The following MSL1 variants were observed in gnomAD, a reference collection of about 807,000 sequenced individuals.
MSL1 encodes the protein MSL complex subunit 1, also known as male-specific lethal 1 homolog.
A neutral mutation model predicts 64.6 loss-of-function variants in MSL1; 21 were observed. The observed-to-expected ratio is 0.33, with a 90% confidence interval of 0.23 to 0.47. MSL1 has a LOEUF of 0.47. MSL1 is among the 20% of genes least tolerant of loss of function. The probability of loss-of-function intolerance (pLI) is 1.00; values close to 1 mark genes in which losing one functional copy is unlikely to be tolerated. For synonymous variants in MSL1, 339 were observed against 329.6 expected, an observed-to-expected ratio of 1.03 and a Z score of -0.31; for missense variants, 664 against 793.2, an observed-to-expected ratio of 0.84 and a Z score of 1.96.
rs1988434416 is a variant in MSL1 at position 40,131,406 on chromosome 17, T to G, written c.1376-131T>G. 2.7e-6 allele frequency: 2 copies of G among 732,880 alleles called. No individual in the cohort carries two copies. The highest frequency in any genetic ancestry group is 4.7e-6 in the Non-Finnish European group (2 of 427,576). 45.4% of individuals were successfully genotyped at this position (732,880 alleles called of 1,614,324 possible). On this transcript the variant is annotated intron_variant, in intron 3 of 8. Transcript: ENST00000398532. The surrounding 1 kb of genome is among the most constrained non-coding windows in gnomAD (Gnocchi z 4.5). Reference sequence around the variant, plus strand: ...CTCTTCCCCTCCCCCAGAGAGAAATTCTCAAAAGAACAACTCAAAAAACAA... The same window carrying G: ...CTCTTCCCCTCCCCCAGAGAGAAATGCTCAAAAGAACAACTCAAAAAACAA...
rs770321442 is a variant in MSL1, at chr17:40,134,404, T to C, written c.*35T>C. The C allele has an allele frequency of 5.2e-6, 8 of 1,526,992 alleles. No individual in the cohort carries two copies. The highest frequency in any genetic ancestry group is 1.7e-4 in the Middle Eastern group (1 of 5,968). The allele number at this position is 1,526,992 out of a possible 1,614,324, so 94.6% of individuals were successfully genotyped here. Reference sequence around the variant, plus strand: ...CAAGAACCCTGTCTTCAGATAGTTGTAGCATGCCATTCCCGAGAGTGGCAG... The same window carrying C: ...CAAGAACCCTGTCTTCAGATAGTTGCAGCATGCCATTCCCGAGAGTGGCAG... On this transcript the variant is annotated 3_prime_UTR_variant, in exon 9 of 9. Transcript: ENST00000398532.
chr17:40,133,461 T>G (rs575823538), intron 6 of MSL1, 73 bp from the exon 7 acceptor site: 17 of 1,529,938 alleles, frequency 1.1e-5, no homozygotes, highest in Middle Eastern at 2.1e-4. Flanking sequence ...TTGTGTGAGT[T>G]GCTTTTATAG....
chr17:40,129,661 A>G (rs1251715913), intron 3 of MSL1, 34 bp downstream of exon 3: 1 of 1,510,474 alleles, frequency 6.6e-7, no homozygotes, highest in East Asian at 2.3e-5. Context: ...CTTATACCCT[A>G]GTGGTGGCGG....
chr17:40,132,111 G>A lies in MSL1; in HGVS notation c.1488+13G>A, dbSNP rs1409873484. ...AGACCTTTTGGAGGTAGGTAACCAA[G>A]AGCACTCAATTGAAGAGAGTAAGAG... is the stretch of plus-strand genomic sequence containing the variant. On this transcript the variant is annotated intron_variant, in intron 5 of 8. Coordinates refer to ENST00000398532, the MANE Select transcript of MSL1 (RefSeq NM_001365919.1). 1.3e-6 allele frequency: 2 copies of A among 1,582,154 alleles called. No homozygotes were observed. The highest frequency in any genetic ancestry group is 2.3e-5 in the South Asian group (2 of 87,854).
Position 40,129,617 on chromosome 17 carries a change from G to A in MSL1, c.1365G>A (p.Glu455=), listed in dbSNP as rs1299163634. The A allele has an allele frequency of 6.2e-7, 1 of 1,603,046 alleles. No individual in the cohort carries two copies. The highest frequency in any genetic ancestry group is 8.5e-7 in the Non-Finnish European group (1 of 1,175,170). ...GGGAATCCTCTCCAAAGAAGGAGGA[G>A]ACTGTAGCAAGTAAGGCATAGAGAA... The part of the protein sequence containing the change: ...PLRESSPKKE[E]TVARCLMPSS... Residue 455 remains glutamate (E), a synonymous_variant, in exon 3 of 9, where the codon GAG becomes GAA. Coordinates refer to ENST00000398532, the MANE Select transcript of MSL1 (RefSeq NM_001365919.1).
At chr17:40,124,793 G>A (rs1988276659) in intron 1 of MSL1, 1 of 152,210 alleles carries the variant, frequency 6.6e-6, no homozygotes, top group Non-Finnish European at 1.5e-5. Context: ...TATACAAGGA[G>A]ATGAAATGAG....
rs1243850572 is a variant in MSL1, at chr17:40,136,169, T to G, written c.*1800T>G. On this transcript the variant is annotated 3_prime_UTR_variant, in exon 9 of 9. Coordinates refer to ENST00000398532, the MANE Select transcript of MSL1 (RefSeq NM_001365919.1). ...TCTCTTGACTTTGTTCTTTGATCCC[T>G]CAGTTTCTTCTTGATTTCAGCATGT... The G allele has an allele frequency of 6.6e-6, 1 of 152,372 alleles. No individual in the cohort carries two copies. The highest frequency in any genetic ancestry group is 1.9e-4 in the East Asian group (1 of 5,334). 9.4% of individuals were successfully genotyped at this position (152,372 alleles called of 1,614,324 possible).
intron 5 of MSL1, among the ~76,000 whole-genome samples, chr17:40,132,512 C>T (rs1988459116): frequency 6.6e-6 from 1 of 151,956 alleles, no homozygotes; most frequent in African/African-American, 2.4e-5. Context: ...GTGGCGCACA[C>T]CTGTAATCCC....
In MSL1 at chr17:40,135,433, A is replaced by G. The variant is rs1988521664; in HGVS notation, c.*1064A>G. The stretch of plus-strand genomic sequence containing the variant: ...TCCCAGGCCACTTTGGTCTCAGTGT[A>G]AGATCCCTATTAACTATCTGAAAGG... On this transcript the variant is annotated 3_prime_UTR_variant, in exon 9 of 9. Transcript: ENST00000398532. 6.6e-6 allele frequency: 1 copy of G among 152,470 alleles called. No individual in the cohort carries two copies. Among genetic ancestry groups the G allele is most frequent in the African/African-American group, 2.4e-5 (1 of 41,574 alleles). The allele number at this position is 152,470 out of a possible 1,614,324, so 9.4% of individuals were successfully genotyped here.
At chr17:40,132,956 G>A (rs1296309571) in intron 5 of MSL1, 86 bp from the exon 6 acceptor site, 6 of 1,311,950 alleles carry the variant, frequency 4.6e-6, no homozygotes, top group Admixed American at 2.0e-5. Context: ...AAGATTTTAC[G>A]TTCCTGGAAG....
At chr17:40,132,986 T>A in intron 5 of MSL1, 56 bp from the exon 6 acceptor site, 4 of 1,472,902 alleles carry the variant, frequency 2.7e-6, no homozygotes, top group Non-Finnish European at 3.7e-6. Context: ...AGTTAGTATA[T>A]GTGTGTAACT....
At chr17:40,125,932 A>G (rs1344562761) in intron 1 of MSL1, among the ~76,000 whole-genome samples, 1 of 152,238 alleles carries the variant, frequency 6.6e-6, no homozygotes, top group Non-Finnish European at 1.5e-5. Flanking sequence ...ATCTCCCTAC[A>G]GAAGAATGAA....
rs990570270 is a variant in MSL1 at position 40,136,916 on chromosome 17, T to C, written c.*2547T>C. The C allele has an allele frequency of 1.1e-4, 16 of 152,336 alleles. No homozygotes were observed. Among genetic ancestry groups the C allele is most frequent in the Non-Finnish European group, 2.2e-4 (15 of 68,042 alleles). The allele number at this position is 152,336 out of a possible 1,614,324, so 9.4% of individuals were successfully genotyped here. A position where few individuals can be genotyped will look rare whatever the true frequency, so the allele number is the denominator to read the frequency against. Reference sequence around the variant, plus strand: ...AAGAATAACACATTATTTTCCCCTTTATAATAAGGTACTCACTTCCATTTG... The same window carrying C: ...AAGAATAACACATTATTTTCCCCTTCATAATAAGGTACTCACTTCCATTTG... On this transcript the variant is annotated 3_prime_UTR_variant, in exon 9 of 9. Transcript: ENST00000398532.
rs1321097726 is a variant in MSL1 at position 40,123,360 on chromosome 17, C to G, written c.748C>G (p.Leu250Val). The stretch of plus-strand genomic sequence containing the variant: ...GGCCAAGGAAAAGGAGATCGAGGAG[C>G]TGAAGTCAGAGAGAGACACGGTACG... ...LQAKEKEIEE[L>V]KSERDTLLAR... Residue 250 changes from leucine to valine, a missense_variant, in exon 1 of 9, where the codon CTG (leucine) becomes GTG (valine). Around this residue, in one of 4 missense-constraint regions of MSL1, gnomAD observed 466 missense variants for 499.0 expected, o/e 0.93. Transcript: ENST00000398532. The G allele has an allele frequency of 7.2e-6, 11 of 1,536,410 alleles. No individual in the cohort carries two copies. In the East Asian group the frequency reaches 2.7e-4, roughly 38 times the overall value.
chr17:40,131,827 C>A lies in MSL1; in HGVS notation c.1424-207C>A. On this transcript the variant is annotated intron_variant, in intron 4 of 8. Transcript: ENST00000398532. The surrounding 1 kb of genome is among the most constrained non-coding windows in gnomAD (Gnocchi z 4.5). ...AGGGTTTTTGTGATCCTGAGTTTGG[C>A]AGACTGCAATGGCATTTTAGGTTCT... 1 of 611,824 alleles carries A rather than the reference C, an allele frequency of 1.6e-6. No individual in the cohort carries two copies. The highest frequency in any genetic ancestry group is 2.9e-6 in the Non-Finnish European group (1 of 345,508). 37.9% of individuals were successfully genotyped at this position (611,824 alleles called of 1,614,324 possible).
intron 1 of MSL1, 26 bp downstream of exon 1, chr17:40,123,406 G>C: frequency 6.5e-7 from 1 of 1,531,940 alleles, no homozygotes. Flanking sequence ...ATCTGCATTC[G>C]GGCCGAGGAG....
chr17:40,123,453 G>A, intron 1 of MSL1, 73 bp downstream of exon 1: 1 of 1,450,310 alleles, frequency 6.9e-7, no homozygotes, highest in Non-Finnish European at 9.3e-7. Context: ...GGGGCTGTAG[G>A]AGGTTAAGGC....
chr17:40,132,021 T>C lies in MSL1; in HGVS notation c.1424-13T>C, dbSNP rs754322397. The C allele has an allele frequency of 6.4e-7, 1 of 1,574,700 alleles. No individual in the cohort carries two copies. ...CCCCTCCTCCCTTTCTTTTTCTCTC[T>C]CTTTTTTTTCAGTTCCTTCTTGGAG... On this transcript the variant is annotated splice_polypyrimidine_tract_variant and intron_variant, in intron 4 of 8. Transcript: ENST00000398532.
rs779695600 is a variant in MSL1 at position 40,122,969 on chromosome 17, C to A, written c.357C>A (p.Ala119=). The A allele has an allele frequency of 2.0e-6, 3 of 1,527,152 alleles. No homozygotes were observed. The Admixed American group carries it at 5.9e-5, about 30-fold the overall frequency. The allele number at this position is 1,527,152 out of a possible 1,614,324, so 94.6% of individuals were successfully genotyped here. A position where few individuals can be genotyped will look rare whatever the true frequency, so the allele number is the denominator to read the frequency against. The change falls in exon 1 of 9, where the codon GCC becomes GCA. Residue 119 remains alanine, a synonymous_variant. Transcript: ENST00000398532. The surrounding 1 kb of genome is among the most constrained non-coding windows in gnomAD (Gnocchi z 4.2). ...TKQAGIGGEP[A]AAGAGCSPRP... ...AAGCCGGCATTGGGGGGGAGCCTGCCGCAGCCGGAGCCGGCTGCAGCCCCC... is the reference window on the plus strand; with the variant it reads ...AAGCCGGCATTGGGGGGGAGCCTGCAGCAGCCGGAGCCGGCTGCAGCCCCC...
Sources: allele counts gnomAD v4.1 joint callset (sites outside exome capture counted in the v4.1 genomes callset), GRCh38; gene constraint gnomAD v4.1.1; regional missense constraint gnomAD v4.1.1; non-coding constraint Gnocchi (gnomAD v3.1); transcripts MANE v1.5; gene names NCBI Gene and HGNC (gene_info 2026-07-23, HGNC 2026-07-21).